The following SRD5A2 variants were observed in gnomAD, a reference collection of about 807,000 sequenced individuals.
SRD5A2 encodes 3-oxo-5-alpha-steroid 4-dehydrogenase 2.
A neutral mutation model predicts 27.4 loss-of-function variants in SRD5A2; 30 were observed. That is an observed-to-expected ratio of 1.10 (90% CI 0.82 to 1.49). The LOEUF is 1.49. Among genes scored for constraint, SRD5A2 ranks in the 40% most tolerant of loss-of-function variants. The pLI, the probability that SRD5A2 is intolerant of heterozygous loss-of-function variation, is 0.00. For missense variants in SRD5A2, 348 were observed against 323.4 expected, an observed-to-expected ratio of 1.08 and a Z score of -0.58; for synonymous variants, 141 against 133.6, an observed-to-expected ratio of 1.06 and a Z score of -0.38.
the SRD5A2 span, chr2:31,651,529 A>C: frequency 4.9e-6 from 1 of 203,100 alleles, no homozygotes; most frequent in East Asian, 1.2e-4. Flanking sequence ...CTGCTCAAAA[A>C]TTCATCAGAC....
chr2:31,632,443 C>T, the SRD5A2 span, among the ~76,000 whole-genome samples: 1 of 152,358 alleles, frequency 6.6e-6, no homozygotes, highest in African/African-American at 2.4e-5. Context: ...AGGCCCACTG[C>T]CCCAGGGGAC....
At chr2:31,566,767 T>C (rs1195461901) in intron 1 of SRD5A2, among the ~76,000 whole-genome samples, 1 of 152,232 alleles carries the variant, frequency 6.6e-6, no homozygotes, top group Non-Finnish European at 1.5e-5. Context: ...TCTGCTGAGA[T>C]TTAATTGCAT....
chr2:31,622,139 G>T, the SRD5A2 span, among the ~76,000 whole-genome samples: 1 of 151,980 alleles, frequency 6.6e-6, no homozygotes, highest in Non-Finnish European at 1.5e-5. Context: ...ACCTCTGACA[G>T]GCCCCAGTGT....
the SRD5A2 span, among the ~76,000 whole-genome samples, chr2:31,643,930 A>G: frequency 1.7e-4 from 26 of 152,224 alleles, no homozygotes; most frequent in Non-Finnish European, 3.7e-4. Context: ...AAAATCATCA[A>G]TAGTTGCTAA....
chr2:31,526,024 G>A lies in SRD5A2; in HGVS notation c.*172C>T. The A allele has an allele frequency of 3.8e-6, 2 of 520,980 alleles. No homozygotes were observed. The highest frequency in any genetic ancestry group is 3.2e-5 in the South Asian group (1 of 31,316). 32.3% of individuals were successfully genotyped at this position (520,980 alleles called of 1,614,324 possible). A position where few individuals can be genotyped will look rare whatever the true frequency, so the allele number is the denominator to read the frequency against. On this transcript the variant is annotated 3_prime_UTR_variant, in exon 5 of 5. Transcript: ENST00000622030. ...CAGGATAGGGGTCCCTGGAAGGGTA[G>A]GAGTAAACTCTAAGCAGACACCACT... is the stretch of plus-strand genomic sequence containing the variant.
chr2:31,597,637 C>A, the SRD5A2 span, among the ~76,000 whole-genome samples: 1 of 151,944 alleles, frequency 6.6e-6, no homozygotes, highest in African/African-American at 2.4e-5. Context: ...AAAAAGTGGG[C>A]TAAGGACATG....
At chr2:31,582,537 G>A (rs150918197), upstream of SRD5A2, among the ~76,000 whole-genome samples, 80 of 152,292 alleles carry the variant, frequency 5.3e-4, no homozygotes, top group Non-Finnish European at 8.8e-4. Flanking sequence ...CATCATAGCC[G>A]TTTCAAGCTT....
At chr2:31,544,310 A>G (rs1189642668) in intron 1 of SRD5A2, among the ~76,000 whole-genome samples, 2 of 151,982 alleles carry the variant, frequency 1.3e-5, no homozygotes, top group African/African-American at 2.4e-5. Flanking sequence ...GACATAGAGA[A>G]CTTAACACAA....
the SRD5A2 span, among the ~76,000 whole-genome samples, chr2:31,597,393 C>T: frequency 6.6e-6 from 1 of 151,438 alleles, no homozygotes; most frequent in African/African-American, 2.4e-5. Flanking sequence ...AAAAAAAAAA[C>T]TCTTCTAGAC....
the SRD5A2 span, among the ~76,000 whole-genome samples, chr2:31,637,422 T>C: frequency 6.6e-6 from 1 of 152,052 alleles, no homozygotes; most frequent in Non-Finnish European, 1.5e-5. Flanking sequence ...GGACTAGGTA[T>C]TACAATGTAT....
chr2:31,623,855 G>A, the SRD5A2 span, among the ~76,000 whole-genome samples: 19 of 152,134 alleles, frequency 1.2e-4, no homozygotes, highest in Middle Eastern at 6.8e-3. Context: ...CATCAATTGA[G>A]ATAATCATGT....
chr2:31,653,332 T>C, the SRD5A2 span, among the ~76,000 whole-genome samples: 1 of 152,276 alleles, frequency 6.6e-6, no homozygotes, highest in Non-Finnish European at 1.5e-5. Flanking sequence ...ATCTCAGAGT[T>C]TGAGTCCCAA....
At chr2:31,557,398 T>G (rs954619554) in intron 1 of SRD5A2, among the ~76,000 whole-genome samples, 2 of 152,246 alleles carry the variant, frequency 1.3e-5, no homozygotes, top group African/African-American at 2.4e-5. Flanking sequence ...TGTTTTGGCT[T>G]TTCCAAGTCT....
chr2:31,641,562 C>T, the SRD5A2 span, among the ~76,000 whole-genome samples: 1 of 152,006 alleles, frequency 6.6e-6, no homozygotes, highest in African/African-American at 2.4e-5. Context: ...TTATAAAAAT[C>T]TTCAACAATA....
At chr2:31,592,647 T>C in the SRD5A2 span, among the ~76,000 whole-genome samples, 2 of 152,176 alleles carry the variant, frequency 1.3e-5, no homozygotes, top group Non-Finnish European at 2.9e-5. Context: ...CCCTGGGGGA[T>C]AGGGTAGAGC....
At chr2:31,558,364 T>C (rs936522475) in intron 1 of SRD5A2, among the ~76,000 whole-genome samples, 2 of 152,204 alleles carry the variant, frequency 1.3e-5, no homozygotes, top group Non-Finnish European at 2.9e-5. Flanking sequence ...TAGAAATGTA[T>C]TGTCTCACAG....
chr2:31,623,770 ATGTTCC>A, the SRD5A2 span, among the ~76,000 whole-genome samples: 1 of 152,072 alleles, frequency 6.6e-6, no homozygotes, highest in Admixed American at 6.6e-5. Context: ...ATTTAGAGGT[ATGTTCC>A]TTCAATATCT....
At chr2:31,563,453 G>A (rs1009303186) in intron 1 of SRD5A2, 40 of 152,086 alleles carry the variant, frequency 2.6e-4, no homozygotes, top group Admixed American at 2.4e-3. Context: ...AAAACAGTGA[G>A]TGGCAAGAAA....
At chr2:31,595,522 A>C in the SRD5A2 span, among the ~76,000 whole-genome samples, 1 of 152,180 alleles carries the variant, frequency 6.6e-6, no homozygotes, top group African/African-American at 2.4e-5. Context: ...AGAAACTCTG[A>C]ACAGACAAAT....
Sources: gnomAD v4.1 joint callset for allele counts (sites outside exome capture counted in the v4.1 genomes callset) on GRCh38, gnomAD v4.1.1 for gene constraint, MANE v1.5 for transcripts, NCBI Gene and HGNC (gene_info 2026-07-23, HGNC 2026-07-21) for gene names.